The following TRHDE variants were observed in gnomAD, a reference collection of about 807,000 sequenced individuals.
TRHDE encodes thyrotropin-releasing hormone-degrading ectoenzyme.
In TRHDE, 72 loss-of-function variants were observed where a neutral mutation model predicts 125.7. The ratio of observed to expected loss-of-function variants is 0.57; its 90% CI spans 0.47 to 0.70. The LOEUF is 0.70. Ranked by LOEUF, TRHDE falls within the 30% of genes least tolerant of loss-of-function variation. The probability of loss-of-function intolerance (pLI) is 0.00; values close to 1 mark genes in which losing one functional copy is unlikely to be tolerated. For synonymous variants in TRHDE, 509 were observed against 509.1 expected, an observed-to-expected ratio of 1.00 and a Z score of 0.00; for missense variants, 1,110 against 1,327.1, an observed-to-expected ratio of 0.84 and a Z score of 2.54.
intron 5 of TRHDE, among the ~76,000 whole-genome samples, chr12:72,495,210 C>G (rs1877864475): frequency 6.6e-6 from 1 of 151,834 alleles, no homozygotes; most frequent in Non-Finnish European, 1.5e-5. Context: ...AAATATCTCT[C>G]AGATCCAACA....
At chr12:72,206,921 C>T (rs1877680161) in intron 2 of TRHDE, among the ~76,000 whole-genome samples, 1 of 152,010 alleles carries the variant, frequency 6.6e-6, no homozygotes, top group South Asian at 2.1e-4. Flanking sequence ...AATGACAACT[C>T]AAAGTAAAGA....
intron 2 of TRHDE, among the ~76,000 whole-genome samples, chr12:72,170,049 A>G (rs1276516981): frequency 6.6e-6 from 1 of 152,190 alleles, no homozygotes; most frequent in Non-Finnish European, 1.5e-5. Context: ...TAGGAACGGT[A>G]TGGGCTGGAA....
chr12:72,567,978 C>T (rs1446677328), intron 9 of TRHDE, among the ~76,000 whole-genome samples: 1 of 152,020 alleles, frequency 6.6e-6, no homozygotes, highest in Non-Finnish European at 1.5e-5. Context: ...CTAGAAATTC[C>T]ATTTCACAAA....
At chr12:72,110,156 C>T (rs985165704) in intron 2 of TRHDE, among the ~76,000 whole-genome samples, 8 of 151,966 alleles carry the variant, frequency 5.3e-5, no homozygotes, top group African/African-American at 1.9e-4. Flanking sequence ...ATAGGAAAAC[C>T]ATGTAGAAAT....
chr12:72,261,954 T>G (rs1311885452), intron 2 of TRHDE, among the ~76,000 whole-genome samples: 2 of 152,076 alleles, frequency 1.3e-5, no homozygotes, highest in Non-Finnish European at 2.9e-5. Context: ...TGGAAAAAAT[T>G]TAATAAAGTC....
In TRHDE at chr12:72,491,059, T is replaced by C. The variant is rs576460930; in HGVS notation, c.1585-8439T>C. Reference sequence around the variant, plus strand: ...TGTTAATTTGCTTCACTATAGTAACTATTTTACTATCTATGTATATCCCAT... The same window carrying C: ...TGTTAATTTGCTTCACTATAGTAACCATTTTACTATCTATGTATATCCCAT... On this transcript the variant is annotated intron_variant, in intron 5 of 18. Coordinates refer to ENST00000261180, the MANE Select transcript of TRHDE (RefSeq NM_013381.3). 5.3e-5 allele frequency among the ~76,000 whole-genome samples: 8 copies of C among 150,968 alleles called. 1 individual carries two copies. In the South Asian group the frequency reaches 1.7e-3, roughly 32 times the overall value.
chr12:72,400,137 T>C (rs1323245951), intron 3 of TRHDE, among the ~76,000 whole-genome samples: 2 of 152,118 alleles, frequency 1.3e-5, no homozygotes, highest in Non-Finnish European at 2.9e-5. Flanking sequence ...ATAGAGTAGA[T>C]ACCTATATTA....
chr12:72,575,227 A>C lies in TRHDE; in HGVS notation c.2132-28A>C, dbSNP rs1439951974. On this transcript the variant is annotated intron_variant, in intron 10 of 18. Transcript: ENST00000261180. ...ATTTCATTTTAACTCTTAAAGTTTGAAATCTATCCCAAAAATGCTTTTTTC... is the reference window on the plus strand; with the variant it reads ...ATTTCATTTTAACTCTTAAAGTTTGCAATCTATCCCAAAAATGCTTTTTTC... 20 of 1,607,800 alleles carry C rather than the reference A, an allele frequency of 1.2e-5. No individual in the cohort carries two copies. The Admixed American group carries it at 3.4e-4, about 27-fold the overall frequency.
At chr12:72,562,042 C>CT (rs951231638) in intron 7 of TRHDE, 123 bp from the exon 8 acceptor site, 48 of 507,556 alleles carry the variant, frequency 9.5e-5, no homozygotes, top group African/African-American at 8.8e-4. Flanking sequence ...GATTATTTAT[C>CT]TTTTTTATGT....
intron 3 of TRHDE, among the ~76,000 whole-genome samples, chr12:72,431,393 T>G (rs2135842463): frequency 6.6e-6 from 1 of 152,282 alleles, no homozygotes; most frequent in South Asian, 2.1e-4. Context: ...TGAAGAAAAA[T>G]TTAACAGGTT....
rs547899944 is a variant in TRHDE at position 72,232,525 on chromosome 12, C to T, written n.279+126773C>T. ...CTAGGAGGGGCAGTCTCTCCCTAGT[C>T]AGCGAGGGCCCAGATAACAGAGCAT... On this transcript the variant is annotated intron_variant and non_coding_transcript_variant, in intron 2 of 4. Coordinates refer to the TRHDE transcript ENST00000548156. Among the ~76,000 whole-genome samples, 16 of 152,004 alleles carry T rather than the reference C, an allele frequency of 1.1e-4. No individual in the cohort carries two copies. The South Asian group carries it at 1.7e-3, about 16-fold the overall frequency.
intron 12 of TRHDE, among the ~76,000 whole-genome samples, chr12:72,612,849 T>C (rs898408674): frequency 6.6e-6 from 1 of 152,148 alleles, no homozygotes; most frequent in African/African-American, 2.4e-5. Flanking sequence ...TGGTCAGACA[T>C]TGACCCTATT....
At chr12:72,604,164 A>G (rs1872331769) in intron 12 of TRHDE, among the ~76,000 whole-genome samples, 1 of 152,244 alleles carries the variant, frequency 6.6e-6, no homozygotes, top group Middle Eastern at 3.2e-3. Flanking sequence ...ATAAAGTGTA[A>G]GTGTGCTTAT....
chr12:72,287,559 A>G (rs1879935779), intron 2 of TRHDE, among the ~76,000 whole-genome samples: 1 of 148,492 alleles, frequency 6.7e-6, no homozygotes. Context: ...TCCTACGATT[A>G]TTTCATATCT....
In TRHDE at chr12:72,369,539, G is replaced by A. The variant is rs187635984; in HGVS notation, c.1189-8456G>A. On this transcript the variant is annotated intron_variant, in intron 2 of 18. Transcript: ENST00000261180. ...TCTTCAAAATAAATGTAGACTAGAT[G>A]AGAAGAATTTTGGCATGTTTGTATG... Among the ~76,000 whole-genome samples, 3 of 152,268 alleles carry A rather than the reference G, an allele frequency of 2.0e-5. No individual in the cohort carries two copies. The East Asian group carries it at 5.8e-4, about 29-fold the overall frequency.
intron 12 of TRHDE, among the ~76,000 whole-genome samples, chr12:72,597,057 T>C (rs1871971174): frequency 6.6e-6 from 1 of 152,208 alleles, no homozygotes; most frequent in Non-Finnish European, 1.5e-5. Context: ...AAATGTTCCC[T>C]TTGCCAACCA....
At chr12:72,322,295 A>G (rs935842949) in intron 2 of TRHDE, among the ~76,000 whole-genome samples, 8 of 152,046 alleles carry the variant, frequency 5.3e-5, no homozygotes, top group African/African-American at 1.9e-4. Flanking sequence ...TGCATTTTGC[A>G]GGGACTCTTT....
intron 3 of TRHDE, among the ~76,000 whole-genome samples, chr12:72,426,922 T>A (rs1484919046): frequency 6.6e-6 from 1 of 152,120 alleles, no homozygotes; most frequent in Non-Finnish European, 1.5e-5. Flanking sequence ...AAATTCATCT[T>A]CATCTTAATC....
At chr12:72,141,818 G>C (rs1876117423) in intron 2 of TRHDE, among the ~76,000 whole-genome samples, 2 of 152,210 alleles carry the variant, frequency 1.3e-5, no homozygotes, top group Non-Finnish European at 2.9e-5. Context: ...GTTACAGGTA[G>C]TTAGGCTTGC....
Sources: allele counts gnomAD v4.1 joint callset (sites outside exome capture counted in the v4.1 genomes callset), GRCh38; gene constraint gnomAD v4.1.1; transcripts MANE v1.5; gene names NCBI Gene and HGNC (gene_info 2026-07-23, HGNC 2026-07-21).